The following RASSF6 variants were observed in gnomAD, a reference collection of about 807,000 sequenced individuals.
The protein encoded by RASSF6 is ras association domain-containing protein 6.
RASSF6 carries 52 observed loss-of-function variants against 44.0 expected under a neutral mutation model. That is an observed-to-expected ratio of 1.18 (90% CI 0.95 to 1.49). The LOEUF (loss-of-function observed/expected upper bound fraction) is 1.49, where lower values mean the gene tolerates loss of function less well. RASSF6 is among the 40% of genes most tolerant of loss of function. RASSF6 has a pLI of 0.00. For synonymous variants in RASSF6, 162 were observed against 124.6 expected (o/e 1.30, Z -2.00); for missense variants, 464 against 393.3 (o/e 1.18, Z -1.52).
intron 6 of RASSF6, among the ~76,000 whole-genome samples, chr4:73,584,689 T>C (rs1723936522): frequency 6.6e-6 from 1 of 152,172 alleles, no homozygotes; most frequent in Non-Finnish European, 1.5e-5. Flanking sequence ...ACTTACATTA[T>C]TCCAGTATTA....
At chr4:73,603,762 A>G (rs1369066805) in intron 2 of RASSF6, among the ~76,000 whole-genome samples, 1 of 152,242 alleles carries the variant, frequency 6.6e-6, no homozygotes, top group Non-Finnish European at 1.5e-5. Flanking sequence ...TGTAATATAC[A>G]TGAATGTGGG....
At chr4:73,608,589 T>A (rs1476737421) in intron 2 of RASSF6, among the ~76,000 whole-genome samples, 1 of 152,198 alleles carries the variant, frequency 6.6e-6, no homozygotes, top group Non-Finnish European at 1.5e-5. Context: ...GGACAAAAAT[T>A]CTAATTTTTA....
Position 73,587,827 on chromosome 4 carries a change from T to C in RASSF6, c.382+13A>G. Reference sequence around the variant, plus strand: ...AAATTAAGTCTCCCAATCAATAAGATTTTGATACTGACCTTCCTGGGAATT... The same window carrying C: ...AAATTAAGTCTCCCAATCAATAAGACTTTGATACTGACCTTCCTGGGAATT... On this transcript the variant is annotated intron_variant, in intron 5 of 10. Transcript: ENST00000307439. 7.0e-6 allele frequency: 11 copies of C among 1,566,876 alleles called. No homozygotes were observed. Among genetic ancestry groups the C allele is most frequent in the Non-Finnish European group, 9.7e-6 (11 of 1,138,402 alleles).
chr4:73,614,705 A>G (rs1371320257), intron 1 of RASSF6, among the ~76,000 whole-genome samples: 2 of 152,228 alleles, frequency 1.3e-5, no homozygotes, highest in Non-Finnish European at 2.9e-5. Flanking sequence ...TTATAGTGAC[A>G]CACTGTTGAT....
chr4:73,611,950 G>A (rs1290196892), intron 1 of RASSF6, 121 bp from the exon 2 acceptor site: 1 of 568,780 alleles, frequency 1.8e-6, no homozygotes, highest in Non-Finnish European at 3.1e-6. Context: ...AAGTTTTTAA[G>A]TAGTATGTCA....
chr4:73,610,426 A>G (rs1725927035), intron 2 of RASSF6, among the ~76,000 whole-genome samples: 1 of 152,164 alleles, frequency 6.6e-6, no homozygotes, highest in African/African-American at 2.4e-5. Flanking sequence ...TCATGTGCTC[A>G]ATATCCTTCC....
Position 73,576,622 on chromosome 4 carries a change from A to G in RASSF6, c.831T>C (p.Ile277=). 1 of 1,611,554 alleles carries G rather than the reference A, an allele frequency of 6.2e-7. No individual in the cohort carries two copies. Among genetic ancestry groups the G allele is most frequent in the South Asian group, 1.1e-5 (1 of 90,996 alleles). The part of the protein sequence containing the change: ...IFLMDKDAEE[I]SSDVAQYINF... ...GTGATGGTATTCATACATCACTGCT[A>G]ATTTCTTCTGCATCTTTATCCATGA... The change falls in exon 9 of 11, where the codon ATT becomes ATC. Residue 277 remains isoleucine (I), a synonymous_variant. Coordinates refer to ENST00000307439, the MANE Select transcript of RASSF6 (RefSeq NM_177532.5).
rs577708990 is a variant in RASSF6, at chr4:73,578,664, A to G, written c.722-1933T>C. Among the ~76,000 whole-genome samples, 4 of 149,680 alleles carry G rather than the reference A, an allele frequency of 2.7e-5. No homozygotes were observed. The South Asian group carries it at 8.4e-4, about 32-fold the overall frequency. ...TTTTTTTTTTTTTTAGACGGAGTGC[A>G]ATGGCACGATCTCAGCTCACTGCAA... is the stretch of plus-strand genomic sequence containing the variant. On this transcript the variant is annotated intron_variant, in intron 8 of 10. Transcript: ENST00000307439.
At chr4:73,589,480 A>T (rs2149376128) in intron 4 of RASSF6, among the ~76,000 whole-genome samples, 1 of 152,172 alleles carries the variant, frequency 6.6e-6, no homozygotes, top group South Asian at 2.1e-4. Context: ...AAGAATCCCC[A>T]GGATGCCAGT....
intron 1 of RASSF6, chr4:73,616,045 C>A: frequency 2.1e-6 from 2 of 957,236 alleles, no homozygotes; most frequent in Non-Finnish European, 3.2e-6. Flanking sequence ...TGGGTTCACT[C>A]GTTTGTAAAT....
rs1723724175 is a variant in RASSF6 at position 73,582,301 on chromosome 4, A to G, written c.568-11T>C. On this transcript the variant is annotated splice_polypyrimidine_tract_variant and intron_variant, in intron 6 of 10. Coordinates refer to ENST00000307439, the MANE Select transcript of RASSF6 (RefSeq NM_177532.5). ...AATGAAAATTGATGTCTAGAAAAAG[A>G]ATTGTCACATAAGTCTTTAAAATTA... is the stretch of plus-strand genomic sequence containing the variant. 7.1e-7 allele frequency: 1 copy of G among 1,408,484 alleles called. No individual in the cohort carries two copies. Among genetic ancestry groups the G allele is most frequent in the East Asian group, 2.3e-5 (1 of 43,062 alleles). 87.2% of individuals were successfully genotyped at this position (1,408,484 alleles called of 1,614,324 possible).
At chr4:73,581,753 TC>T in intron 8 of RASSF6, 63 bp downstream of exon 8, 2 of 1,062,036 alleles carry the variant, frequency 1.9e-6, no homozygotes, top group Admixed American at 1.9e-5. Context: ...TCTTCTGCCT[TC>T]CCCCTGGGCA....
chr4:73,609,897 T>C (rs1569208), intron 2 of RASSF6, among the ~76,000 whole-genome samples: 151,238 of 152,280 alleles, frequency 0.99, 75,107 homozygotes, highest in Middle Eastern at 1. Flanking sequence ...TCCTTTCCTA[T>C]GGTGAGAATT....
intron 4 of RASSF6, among the ~76,000 whole-genome samples, chr4:73,589,387 T>C (rs1373123608): frequency 6.6e-6 from 1 of 151,412 alleles, no homozygotes; most frequent in African/African-American, 2.4e-5. Context: ...AGAAGGGGGG[T>C]TAGGAATGGA....
chr4:73,605,687 AC>A (rs1725571829), intron 2 of RASSF6, among the ~76,000 whole-genome samples: 1 of 152,196 alleles, frequency 6.6e-6, no homozygotes, highest in Non-Finnish European at 1.5e-5. Flanking sequence ...AAAAATGCAA[AC>A]CCTGAATGAT....
At chr4:73,584,020 A>T (rs1438149461) in intron 6 of RASSF6, among the ~76,000 whole-genome samples, 1 of 152,098 alleles carries the variant, frequency 6.6e-6, no homozygotes, top group African/African-American at 2.4e-5. Flanking sequence ...ATTACCCCAC[A>T]AGATAATGAC....
chr4:73,598,405 C>T (rs1247652), intron 3 of RASSF6, among the ~76,000 whole-genome samples: 1,956 of 152,130 alleles, frequency 0.013, 40 homozygotes, highest in African/African-American at 0.043. Flanking sequence ...AGTGTAAATG[C>T]TGTTAAAATA....
rs1279062993 is a variant in RASSF6 at position 73,605,450 on chromosome 4, T to C, written c.65+6281A>G. Among the ~76,000 whole-genome samples the C allele has an allele frequency of 2.6e-5, 4 of 152,360 alleles. No individual in the cohort carries two copies. The East Asian group carries it at 7.7e-4, about 29-fold the overall frequency. ...GTCCATTTGAATCCTGGAATTAAAA[T>C]TACAAGTTTTGGCTCCTCTTTCATA... On this transcript the variant is annotated intron_variant, in intron 2 of 10. Transcript: ENST00000307439.
rs1335802975 is a variant in RASSF6 at position 73,577,884 on chromosome 4, T to A, written c.722-1153A>T. ...CCCCTGATCTGGAAGGACTTGGGAA[T>A]CTGTATTTTAAGTGAACTCTATAGG... On this transcript the variant is annotated intron_variant, in intron 8 of 10. Coordinates refer to ENST00000307439, the MANE Select transcript of RASSF6 (RefSeq NM_177532.5). Among the ~76,000 whole-genome samples the A allele has an allele frequency of 2.6e-5, 4 of 152,180 alleles. No homozygotes were observed. The East Asian group carries it at 7.7e-4, about 29-fold the overall frequency.
Sources: gnomAD v4.1 joint callset for allele counts (sites outside exome capture counted in the v4.1 genomes callset) on GRCh38, gnomAD v4.1.1 for gene constraint, MANE v1.5 for transcripts, NCBI Gene and HGNC (gene_info 2026-07-23, HGNC 2026-07-21) for gene names.